TENM1: variants seen among roughly 807,000 people sequenced by gnomAD.
The protein encoded by TENM1 is teneurin-1.
TENM1 carries 35 observed loss-of-function variants against 174.8 expected under a neutral mutation model. The ratio of observed to expected loss-of-function variants is 0.20; its 90% CI spans 0.15 to 0.27. The LOEUF (loss-of-function observed/expected upper bound fraction) is 0.27. Ranked by LOEUF, TENM1 falls within the 10% of genes least tolerant of loss-of-function variation. TENM1 has a pLI of 1.00. For synonymous variants in TENM1, 781 were observed against 798.7 expected (o/e 0.98, Z 0.37); for missense variants, 1,633 against 2,130.1 (o/e 0.77, Z 4.59).
At chrX:124,540,304 G>T (rs1451343031) in intron 15 of TENM1, among the ~76,000 whole-genome samples, 1 of 111,585 alleles carries the variant, frequency 9.0e-6, no homozygotes, top group Non-Finnish European at 1.9e-5. Flanking sequence ...TGATATTAGG[G>T]TATTATATTA....
chrX:125,045,589 A>T, the TENM1 span, among the ~76,000 whole-genome samples: 1 of 111,662 alleles, frequency 9.0e-6, no homozygotes, highest in South Asian at 3.7e-4. Context: ...GATCTATATT[A>T]AATTCCAGGA....
upstream of TENM1, among the ~76,000 whole-genome samples, chrX:124,966,013 G>T (rs1198574292): frequency 1.8e-5 from 2 of 111,675 alleles, no homozygotes; most frequent in South Asian, 7.5e-4. Context: ...TCAGGCCAAA[G>T]AACTTGAAGT....
intron 18 of TENM1, among the ~76,000 whole-genome samples, chrX:124,519,710 G>A (rs2047797156): frequency 9.0e-6 from 1 of 111,052 alleles, no homozygotes; most frequent in African/African-American, 3.3e-5. Flanking sequence ...AGACTTTGGT[G>A]TTAGTTTATC....
intron 23 of TENM1, among the ~76,000 whole-genome samples, chrX:124,446,269 A>G (rs2060964329): frequency 8.9e-6 from 1 of 112,479 alleles, no homozygotes; most frequent in Admixed American, 9.4e-5. Context: ...ATATCACTCA[A>G]TAACTCTATG....
intron 14 of TENM1, among the ~76,000 whole-genome samples, chrX:124,548,243 C>T (rs181168699): frequency 2.7e-5 from 3 of 111,870 alleles, no homozygotes; most frequent in African/African-American, 9.7e-5. Flanking sequence ...TGTTGTACCA[C>T]AAATAAAACT....
chrX:124,880,111 T>C (rs935659997), intron 3 of TENM1, among the ~76,000 whole-genome samples: 10 of 111,834 alleles, frequency 8.9e-5, no homozygotes. Flanking sequence ...AAGGATTGCA[T>C]TGAATCTGTA....
intron 28 of TENM1, among the ~76,000 whole-genome samples, chrX:124,387,291 A>G (rs2060231091): frequency 1.8e-5 from 2 of 110,833 alleles, no homozygotes; most frequent in Admixed American, 9.7e-5. Context: ...GGTGTTTCAT[A>G]AATATTGATT....
chrX:125,005,183 TATAC>T, the TENM1 span, among the ~76,000 whole-genome samples: 6 of 69,155 alleles, frequency 8.7e-5, no homozygotes, highest in Admixed American at 8.3e-4. Flanking sequence ...CTAAAAGATG[TATAC>T]ATACACACAC....
chrX:124,438,461 C>T lies in TENM1; in HGVS notation c.4104+14876G>A, dbSNP rs185810995. Among the ~76,000 whole-genome samples the T allele has an allele frequency of 2.7e-5, 3 of 110,972 alleles. No individual in the cohort carries two copies. In the Admixed American group the frequency reaches 2.9e-4, roughly 11 times the overall value. On this transcript the variant is annotated intron_variant, in intron 23 of 31. Coordinates refer to ENST00000422452, the Ensembl canonical transcript of TENM1. ...AAAATGTGTGGAAGACTGAGTGGTT[C>T]AAAAGCAGGTTTGCAAGCCTTGCAT...
chrX:124,712,854 T>A (rs2053092490), intron 4 of TENM1, among the ~76,000 whole-genome samples: 1 of 112,140 alleles, frequency 8.9e-6, no homozygotes, highest in African/African-American at 3.2e-5. Context: ...TAGGTATTTA[T>A]TCTCATGCCT....
chrX:124,423,310 G>A lies in TENM1; in HGVS notation c.4105-672C>T, dbSNP rs903087523. ...GCACACTGCTTACTTAGCTTGACCT[G>A]GTTCACTCCATAGGTTCCCCTTTTT... On this transcript the variant is annotated intron_variant, in intron 23 of 31. Transcript: ENST00000422452. Among the ~76,000 whole-genome samples, 5 of 111,923 alleles carry A rather than the reference G, an allele frequency of 4.5e-5. No individual in the cohort carries two copies. The Admixed American group carries it at 4.7e-4, about 11-fold the overall frequency.
chrX:125,057,194 A>T, the TENM1 span, among the ~76,000 whole-genome samples: 1 of 112,023 alleles, frequency 8.9e-6, no homozygotes, highest in Non-Finnish European at 1.9e-5. Flanking sequence ...ATGCACTAAT[A>T]CATACCCATC....
At chrX:124,558,529 T>TGCACAA (rs2048743110) in intron 14 of TENM1, among the ~76,000 whole-genome samples, 1 of 111,527 alleles carries the variant, frequency 9.0e-6, no homozygotes, top group African/African-American at 3.3e-5. Flanking sequence ...ACAAGTAGAC[T>TGCACAA]AATATTAATA....
At chrX:124,563,698 T>C (rs2048877325) in intron 13 of TENM1, 51 bp downstream of exon 16, 3 of 1,062,669 alleles carry the variant, frequency 2.8e-6, no homozygotes, top group African/African-American at 3.8e-5. Context: ...TACATGCATA[T>C]TTTCTTTTAA....
the TENM1 span, among the ~76,000 whole-genome samples, chrX:125,110,730 C>T: frequency 8.9e-6 from 1 of 111,746 alleles, no homozygotes; most frequent in East Asian, 2.8e-4. Context: ...AGATCCAGTG[C>T]TAATTTTTAT....
chrX:125,177,830 T>C, the TENM1 span, among the ~76,000 whole-genome samples: 2 of 112,413 alleles, frequency 1.8e-5, no homozygotes, highest in East Asian at 5.6e-4. Flanking sequence ...TTGATATACA[T>C]GGATGCATTT....
At chrX:124,572,700 A>G (rs1459810133) in intron 11 of TENM1, among the ~76,000 whole-genome samples, 1 of 111,594 alleles carries the variant, frequency 9.0e-6, no homozygotes. Flanking sequence ...AATCAAAAGG[A>G]AAAAATCAAT....
intron 3 of TENM1, among the ~76,000 whole-genome samples, chrX:124,750,931 T>C (rs1250268855): frequency 1.8e-5 from 2 of 112,705 alleles, no homozygotes; most frequent in African/African-American, 6.4e-5. Flanking sequence ...GGTTATTTTA[T>C]TTGTAAGTCC....
chrX:124,408,758 T>G (rs1326654355), intron 25 of TENM1, among the ~76,000 whole-genome samples: 2 of 105,492 alleles, frequency 1.9e-5, no homozygotes, highest in Non-Finnish European at 2.0e-5. Context: ...CATGTTGGTG[T>G]GCTGCACCCG....
Sources: allele counts gnomAD v4.1 joint callset (sites outside exome capture counted in the v4.1 genomes callset), GRCh38; gene constraint gnomAD v4.1.1; transcripts MANE v1.5; gene names NCBI Gene and HGNC (gene_info 2026-07-23, HGNC 2026-07-21).